CNTNAP5: variants seen among roughly 807,000 people sequenced by gnomAD.
The protein encoded by CNTNAP5 is contactin-associated protein-like 5.
Under a neutral mutation model 150.2 loss-of-function variants are expected in CNTNAP5, and 72 were observed. The observed-to-expected ratio is 0.48, with a 90% CI of 0.40 to 0.58. The LOEUF (loss-of-function observed/expected upper bound fraction) is 0.58, where lower values mean the gene tolerates loss of function less well. Ranked by LOEUF, CNTNAP5 falls within the 20% of genes least tolerant of loss-of-function variation. CNTNAP5 has a pLI of 0.00. For missense variants in CNTNAP5, 1,636 were observed against 1,626.2 expected (o/e 1.01, Z -0.10); for synonymous variants, 672 against 619.8 (o/e 1.08, Z -1.25).
intron 17 of CNTNAP5, among the ~76,000 whole-genome samples, chr2:124,787,617 C>A (rs1681626722): frequency 6.6e-6 from 1 of 152,070 alleles, no homozygotes; most frequent in Non-Finnish European, 1.5e-5. Flanking sequence ...GGAAAAACAG[C>A]CCTTCTCTCC....
intron 1 of CNTNAP5, among the ~76,000 whole-genome samples, chr2:124,202,587 G>A (rs780531852): frequency 6.6e-6 from 1 of 152,052 alleles, no homozygotes; most frequent in Non-Finnish European, 1.5e-5. Flanking sequence ...AAATACCTGC[G>A]ACTGCATAAT....
intron 7 of CNTNAP5, among the ~76,000 whole-genome samples, chr2:124,484,689 G>A (rs921916907): frequency 4.6e-5 from 7 of 152,104 alleles, no homozygotes; most frequent in Non-Finnish European, 7.3e-5. Context: ...TAGCCTGCTC[G>A]ACAAATGGCC....
At chr2:124,235,225 A>G (rs535404872) in intron 2 of CNTNAP5, among the ~76,000 whole-genome samples, 9 of 152,126 alleles carry the variant, frequency 5.9e-5, no homozygotes, top group Admixed American at 5.9e-4. Flanking sequence ...AGTTGAGGAC[A>G]TGGGAAGTGA....
At chr2:124,681,161 G>T (rs992147269) in intron 13 of CNTNAP5, among the ~76,000 whole-genome samples, 2 of 149,756 alleles carry the variant, frequency 1.3e-5, no homozygotes, top group Admixed American at 7.6e-5. Flanking sequence ...AATTAGCCGG[G>T]CATGGTGGTG....
At chr2:124,846,985 GA>G (rs1683061328) in intron 19 of CNTNAP5, among the ~76,000 whole-genome samples, 1 of 152,220 alleles carries the variant, frequency 6.6e-6, no homozygotes, top group South Asian at 2.1e-4. Context: ...GCAGGGGAAT[GA>G]AGTGGACTCT....
In CNTNAP5 at chr2:124,909,764, G is replaced by A. The variant is rs76398768; in HGVS notation, c.3656-1703G>A. 4.5e-3 allele frequency among the ~76,000 whole-genome samples: 570 copies of A among 127,610 alleles called. 15 individuals are homozygous for A. In the East Asian group the frequency reaches 0.064, roughly 14 times the overall value. 83.7% of individuals were successfully genotyped at this position (127,610 alleles called of 152,430 possible). On this transcript the variant is annotated intron_variant, in intron 22 of 23. Transcript: ENST00000682447. ...TCATTTTCCTTCTCTTTATCTGCCC[G>A]CTCTCTCTCTGTCTCTAACACCCAC...
At chr2:124,256,943 AG>A (rs971736318) in intron 3 of CNTNAP5, among the ~76,000 whole-genome samples, 1 of 152,178 alleles carries the variant, frequency 6.6e-6, no homozygotes, top group African/African-American at 2.4e-5. Context: ...TTCTGAAATT[AG>A]GGCCAGATAA....
chr2:124,072,093 G>C (rs1269480860), intron 1 of CNTNAP5, among the ~76,000 whole-genome samples: 1 of 151,944 alleles, frequency 6.6e-6, no homozygotes, highest in Non-Finnish European at 1.5e-5. Flanking sequence ...AAATCAATCA[G>C]TGTGATACAT....
At chr2:124,450,193 T>C (rs1692930456) in intron 6 of CNTNAP5, among the ~76,000 whole-genome samples, 1 of 152,032 alleles carries the variant, frequency 6.6e-6, no homozygotes, top group African/African-American at 2.4e-5. Context: ...CAATGACTAA[T>C]TTTTGGAGCA....
At chr2:124,505,896 T>A (rs1694395043) in intron 8 of CNTNAP5, among the ~76,000 whole-genome samples, 1 of 152,210 alleles carries the variant, frequency 6.6e-6, no homozygotes, top group Non-Finnish European at 1.5e-5. Flanking sequence ...CTCCCTCTGC[T>A]TTTCACCGCA....
chr2:124,783,274 TA>T (rs1553441810), intron 17 of CNTNAP5, among the ~76,000 whole-genome samples: 1 of 152,174 alleles, frequency 6.6e-6, no homozygotes, highest in Non-Finnish European at 1.5e-5. Flanking sequence ...AACACAGTAC[TA>T]AAAACAGCCT....
intron 8 of CNTNAP5, among the ~76,000 whole-genome samples, chr2:124,515,899 C>T (rs190096278): frequency 7.9e-5 from 12 of 152,276 alleles, no homozygotes; most frequent in Non-Finnish European, 1.8e-4. Context: ...GATTTTCATT[C>T]TCTGGGCTCC....
chr2:124,499,749 C>T (rs1694234788), intron 7 of CNTNAP5, among the ~76,000 whole-genome samples: 1 of 152,200 alleles, frequency 6.6e-6, no homozygotes, highest in South Asian at 2.1e-4. Context: ...TCTCATAGAT[C>T]TGTTTTCTTT....
At chr2:124,391,720 C>A (rs1691113866) in intron 3 of CNTNAP5, among the ~76,000 whole-genome samples, 1 of 152,316 alleles carries the variant, frequency 6.6e-6, no homozygotes, top group African/African-American at 2.4e-5. Context: ...CTTTGGGAGG[C>A]CGAGGCGGGC....
chr2:124,529,328 C>T (rs1260105689), intron 10 of CNTNAP5, among the ~76,000 whole-genome samples: 1 of 152,106 alleles, frequency 6.6e-6, no homozygotes, highest in African/African-American at 2.4e-5. Flanking sequence ...AGCAAGCTCT[C>T]ATTATTTTTG....
chr2:124,193,093 A>G (rs887680946), intron 1 of CNTNAP5, among the ~76,000 whole-genome samples: 11 of 152,150 alleles, frequency 7.2e-5, no homozygotes, highest in Non-Finnish European at 1.2e-4. Flanking sequence ...ATCACATAAC[A>G]TTCTTCCTGT....
intron 8 of CNTNAP5, among the ~76,000 whole-genome samples, chr2:124,506,116 C>G (rs906568663): frequency 4.0e-5 from 6 of 149,860 alleles, no homozygotes; most frequent in African/African-American, 1.2e-4. Flanking sequence ...GTATTGCAAC[C>G]TGGGAATATA....
chr2:124,212,666 T>C (rs1220565261), intron 1 of CNTNAP5, among the ~76,000 whole-genome samples: 2 of 152,246 alleles, frequency 1.3e-5, no homozygotes, highest in Admixed American at 6.5e-5. Flanking sequence ...GTCAGAGTGA[T>C]GCCTTTGGAG....
chr2:124,875,687 G>T (rs909048508), intron 21 of CNTNAP5, among the ~76,000 whole-genome samples: 3 of 144,712 alleles, frequency 2.1e-5, no homozygotes. Context: ...ACGTAAAAGA[G>T]AACCATGAGG....
Sources: gnomAD v4.1 joint callset for allele counts (sites outside exome capture counted in the v4.1 genomes callset) on GRCh38, gnomAD v4.1.1 for gene constraint, MANE v1.5 for transcripts, NCBI Gene and HGNC (gene_info 2026-07-23, HGNC 2026-07-21) for gene names.